The following SHB variants were observed in gnomAD, a reference collection of about 807,000 sequenced individuals.
SHB encodes the protein SH2 domain-containing adapter protein B.
SHB carries 20 observed loss-of-function variants against 52.3 expected under a neutral mutation model. That is an observed-to-expected ratio of 0.38 (90% CI 0.27 to 0.56). The LOEUF is 0.56. SHB is among the 20% of genes least tolerant of loss of function. SHB has a pLI of 0.71. For missense variants in SHB, 825 were observed against 723.3 expected, an observed-to-expected ratio of 1.14 and a Z score of -1.61; for synonymous variants, 397 against 316.5, an observed-to-expected ratio of 1.25 and a Z score of -2.70.
rs1822012825 is a variant in SHB, at chr9:38,068,703, G to C, written c.-58C>G. 4 of 1,215,776 alleles carry C rather than the reference G, an allele frequency of 3.3e-6. No homozygotes were observed. The highest frequency in any genetic ancestry group is 3.2e-5 in the African/African-American group (2 of 62,408). 75.3% of individuals were successfully genotyped at this position (1,215,776 alleles called of 1,614,324 possible). A position where few individuals can be genotyped will look rare whatever the true frequency, so the allele number is the denominator to read the frequency against. On this transcript the variant is annotated 5_prime_UTR_variant, in exon 1 of 6. Transcript: ENST00000377707. ...GCCCGGTCCGCCGCCGCGGCCATTC[G>C]GGGGGCAGCGCTGCGGCGCAGGTCC...
At chr9:37,996,142 C>G (rs982611555) in intron 2 of SHB, among the ~76,000 whole-genome samples, 11 of 152,142 alleles carry the variant, frequency 7.2e-5, no homozygotes, top group Admixed American at 1.3e-4. Context: ...TCTGTGTGCC[C>G]GTAGTCAGCC....
At chr9:37,953,291 T>G (rs912549355) in intron 4 of SHB, among the ~76,000 whole-genome samples, 1 of 152,124 alleles carries the variant, frequency 6.6e-6, no homozygotes, top group African/African-American at 2.4e-5. Flanking sequence ...GCAACAGCTA[T>G]TTATTCAGCA....
intron 2 of SHB, among the ~76,000 whole-genome samples, chr9:37,996,538 T>G (rs1486573715): frequency 6.6e-6 from 1 of 152,252 alleles, no homozygotes; most frequent in African/African-American, 2.4e-5. Flanking sequence ...AACACTTAGA[T>G]GAGAGTCTAA....
At chr9:37,932,659 T>C (rs1832327039) in intron 5 of SHB, among the ~76,000 whole-genome samples, 1 of 152,090 alleles carries the variant, frequency 6.6e-6, no homozygotes. Flanking sequence ...TCGCCCAGGC[T>C]GGAGAGCAGT....
intron 1 of SHB, among the ~76,000 whole-genome samples, chr9:38,016,729 A>G (rs1334050297): frequency 1.3e-5 from 2 of 152,234 alleles, no homozygotes; most frequent in East Asian, 3.8e-4. Flanking sequence ...CAGCTCAAGG[A>G]TCGACAGACA....
chr9:37,951,261 A>T (rs1832563738), intron 4 of SHB, among the ~76,000 whole-genome samples: 1 of 152,242 alleles, frequency 6.6e-6, no homozygotes. Flanking sequence ...AGGCAGGAAG[A>T]GCATGCAGAC....
Position 38,067,929 on chromosome 9 carries a change from C to T in SHB, c.717G>A (p.Lys239=). ...GGGAAGAGGCCAAGGGGCACCTTAC[C>T]TTGTCCTTCTTGCCGGCCCCGCTCT... is the stretch of plus-strand genomic sequence containing the variant. The part of the protein sequence containing the change: ...AEESGAGKKD[K]VTIADDYSDP... Residue 239 remains lysine, a splice_region_variant and synonymous_variant, in exon 1 of 6, where the codon AAG becomes AAA. Transcript: ENST00000377707. The T allele has an allele frequency of 6.6e-7, 1 of 1,524,402 alleles. No homozygotes were observed. The allele number at this position is 1,524,402 out of a possible 1,614,324, so 94.4% of individuals were successfully genotyped here.
intron 1 of SHB, among the ~76,000 whole-genome samples, chr9:38,051,181 G>A (rs554580974): frequency 6.6e-6 from 1 of 152,232 alleles, no homozygotes; most frequent in South Asian, 2.1e-4. Flanking sequence ...GGTGGCTCAT[G>A]CCTGTAATCC....
chr9:37,982,184 T>C (rs1299020680), intron 2 of SHB, among the ~76,000 whole-genome samples: 4 of 152,116 alleles, frequency 2.6e-5, no homozygotes. Context: ...ATGGAGAGTC[T>C]CAAAATCTGT....
At chr9:37,989,801 T>G (rs1431070698) in intron 2 of SHB, among the ~76,000 whole-genome samples, 1 of 152,162 alleles carries the variant, frequency 6.6e-6, no homozygotes, top group Non-Finnish European at 1.5e-5. Flanking sequence ...CGCTTTTGTT[T>G]TAAAGAGGAG....
At chr9:38,041,738 G>A (rs1821580675) in intron 1 of SHB, among the ~76,000 whole-genome samples, 1 of 152,158 alleles carries the variant, frequency 6.6e-6, no homozygotes, top group South Asian at 2.1e-4. Flanking sequence ...TGCTTTGACA[G>A]GAGGGATGTG....
Position 37,918,775 on chromosome 9 carries a change from C to T in SHB, c.*1046G>A, listed in dbSNP as rs914294162. Among the ~76,000 whole-genome samples the T allele has an allele frequency of 1.3e-5, 2 of 152,220 alleles. No homozygotes were observed. The highest frequency in any genetic ancestry group is 4.8e-5 in the African/African-American group (2 of 41,446). On this transcript the variant is annotated 3_prime_UTR_variant, in exon 6 of 6. Coordinates refer to ENST00000377707, the MANE Select transcript of SHB (RefSeq NM_003028.3). Reference sequence around the variant, plus strand: ...TAGTGGGGAGAGAGCCCTTTGTAGCCAGCTGGGTGCTGTGTCCAGGGGTTG... The same window carrying T: ...TAGTGGGGAGAGAGCCCTTTGTAGCTAGCTGGGTGCTGTGTCCAGGGGTTG...
intron 2 of SHB, among the ~76,000 whole-genome samples, chr9:38,007,386 G>A (rs934657387): frequency 2.0e-5 from 3 of 152,202 alleles, no homozygotes; most frequent in East Asian, 1.9e-4. Flanking sequence ...CGGAGCTCTC[G>A]GCCCAGAGAG....
At position 38,066,156 on chromosome 9, in the gene SHB, T is replaced by C. The variant is rs77760480; in HGVS notation, c.717+1773A>G. Among the ~76,000 whole-genome samples the C allele has an allele frequency of 6.1e-3, 935 of 152,294 alleles. 13 individuals are homozygous for C. The highest frequency in any genetic ancestry group is 0.019 in the African/African-American group (799 of 41,540). Reference sequence around the variant, plus strand: ...GTGATGAAAAGAGTCAAGTCTTAAATATCTTGACATCCTGGCTATAAAACA... The same window carrying C: ...GTGATGAAAAGAGTCAAGTCTTAAACATCTTGACATCCTGGCTATAAAACA... On this transcript the variant is annotated intron_variant, in intron 1 of 5. Coordinates refer to ENST00000377707, the MANE Select transcript of SHB (RefSeq NM_003028.3).
chr9:37,986,602 T>C (rs1564095013), intron 2 of SHB, among the ~76,000 whole-genome samples: 1 of 152,248 alleles, frequency 6.6e-6, no homozygotes, highest in East Asian at 1.9e-4. Context: ...TCCAAACAAC[T>C]AGGGCTCCAC....
chr9:38,058,006 T>A (rs889389720), intron 1 of SHB, among the ~76,000 whole-genome samples: 11 of 152,240 alleles, frequency 7.2e-5, no homozygotes, highest in Admixed American at 2.0e-4. Context: ...TTAGGAGTAC[T>A]GGGGCAATTT....
intron 1 of SHB, among the ~76,000 whole-genome samples, chr9:38,042,618 G>A (rs1821598465): frequency 6.6e-6 from 1 of 152,212 alleles, no homozygotes; most frequent in South Asian, 2.1e-4. Flanking sequence ...CTCCAAGGGA[G>A]TGACATTTCC....
At chr9:37,996,137 G>A (rs1414252039) in intron 2 of SHB, among the ~76,000 whole-genome samples, 1 of 152,224 alleles carries the variant, frequency 6.6e-6, no homozygotes, top group East Asian at 1.9e-4. Context: ...GCCATTCTGT[G>A]TGCCCGTAGT....
intron 2 of SHB, among the ~76,000 whole-genome samples, chr9:38,000,515 CAGGGGG>C (rs1457438884): frequency 1.3e-5 from 2 of 152,216 alleles, no homozygotes; most frequent in Non-Finnish European, 2.9e-5. Context: ...TGAGCAGAGC[CAGGGGG>C]CGGGGGCATT....
Sources: allele counts gnomAD v4.1 joint callset (sites outside exome capture counted in the v4.1 genomes callset), GRCh38; gene constraint gnomAD v4.1.1; transcripts MANE v1.5; gene names NCBI Gene and HGNC (gene_info 2026-07-23, HGNC 2026-07-21).